The following ADAM9 variants were observed in gnomAD, a reference collection of about 807,000 sequenced individuals.
ADAM9 encodes the protein disintegrin and metalloproteinase domain-containing protein 9.
In ADAM9, 54 loss-of-function variants were observed where a neutral mutation model predicts 108.1. The ratio of observed to expected loss-of-function variants is 0.50; its 90% CI spans 0.40 to 0.63. ADAM9 has a LOEUF of 0.63. ADAM9 is among the 20% of genes least tolerant of loss of function. ADAM9 has a pLI of 0.00. For synonymous variants in ADAM9, 316 were observed against 336.0 expected, an observed-to-expected ratio of 0.94 and a Z score of 0.65; for missense variants, 830 against 997.7, an observed-to-expected ratio of 0.83 and a Z score of 2.26.
chr8:39,074,296 T>G (rs935230165), intron 15 of ADAM9, among the ~76,000 whole-genome samples: 1 of 152,180 alleles, frequency 6.6e-6, no homozygotes. Context: ...GCCAAATGTT[T>G]CCTTTCACTA....
intron 20 of ADAM9, 71 bp from the exon 21 acceptor site, chr8:39,101,792 G>T: frequency 8.3e-7 from 1 of 1,203,454 alleles, no homozygotes; most frequent in Non-Finnish European, 1.2e-6. Context: ...TAAATATGTA[G>T]ATTTCTTCTA....
chr8:39,074,020 G>A (rs1838778641), intron 15 of ADAM9, among the ~76,000 whole-genome samples: 1 of 152,054 alleles, frequency 6.6e-6, no homozygotes, highest in Admixed American at 6.5e-5. Context: ...TCCAAGTGTT[G>A]TTTTGAACTG....
chr8:38,999,703 C>A (rs1018262865), intron 1 of ADAM9, among the ~76,000 whole-genome samples: 5 of 152,068 alleles, frequency 3.3e-5, no homozygotes, highest in African/African-American at 1.2e-4. Flanking sequence ...ATGTACAAAC[C>A]TAGTTCCTGG....
At chr8:39,075,434 G>T (rs374555167) in intron 15 of ADAM9, among the ~76,000 whole-genome samples, 1 of 152,272 alleles carries the variant, frequency 6.6e-6, no homozygotes, top group African/African-American at 2.4e-5. Context: ...TCCAGTTCCT[G>T]ACCAGTGTTT....
chr8:39,080,853 C>T (rs1486360475), intron 16 of ADAM9, among the ~76,000 whole-genome samples: 1 of 151,506 alleles, frequency 6.6e-6, no homozygotes, highest in East Asian at 1.9e-4. Flanking sequence ...CAAGTTTGCT[C>T]TACTTGCTGC....
intron 9 of ADAM9, among the ~76,000 whole-genome samples, chr8:39,023,839 C>T (rs935535936): frequency 6.6e-6 from 1 of 150,720 alleles, no homozygotes; most frequent in African/African-American, 2.4e-5. Flanking sequence ...CTCTGCCTCC[C>T]AGGTCGAAGC....
chr8:39,045,374 A>ACACACC (rs1837690891), intron 12 of ADAM9, among the ~76,000 whole-genome samples: 2 of 115,320 alleles, frequency 1.7e-5, no homozygotes, highest in African/African-American at 3.2e-5. Context: ...GTGTGTGTAC[A>ACACACC]TACACCTATA....
In ADAM9 at chr8:39,037,206, C is replaced by T. The variant is rs188945191; in HGVS notation, c.1131-4740C>T. Among the ~76,000 whole-genome samples the T allele has an allele frequency of 4.0e-3, 603 of 150,154 alleles. 1 individual carries two copies. The highest frequency in any genetic ancestry group is 0.011 in the South Asian group (54 of 4,780). ...CTGAGTAGCTGGGACTACAGGCGCC[C>T]GCCACTGCGCCCGGCTAATTTTTTT... is the stretch of plus-strand genomic sequence containing the variant. On this transcript the variant is annotated intron_variant, in intron 11 of 21. Coordinates refer to ENST00000487273, the MANE Select transcript of ADAM9 (RefSeq NM_003816.3).
intron 12 of ADAM9, among the ~76,000 whole-genome samples, chr8:39,045,282 A>ATATATGTGTATACATACATATGTG (rs1837665884): frequency 8.4e-6 from 1 of 118,510 alleles, no homozygotes; most frequent in Non-Finnish European, 1.7e-5. Flanking sequence ...ATACATATGT[A>ATATATGTGTATACATACATATGTG]TATGTGTGTG....
chr8:39,053,704 G>A (rs941296464), intron 12 of ADAM9, among the ~76,000 whole-genome samples: 2 of 152,048 alleles, frequency 1.3e-5, no homozygotes, highest in African/African-American at 4.8e-5. Flanking sequence ...GAGTTTGGGG[G>A]TAAGAAGGAG....
chr8:39,032,896 T>C (rs1438275233), intron 11 of ADAM9, among the ~76,000 whole-genome samples: 2 of 152,246 alleles, frequency 1.3e-5, no homozygotes, highest in African/African-American at 4.8e-5. Context: ...TTTACTATTA[T>C]ATTGGCTATT....
chr8:39,019,611 A>G (rs956913286), intron 7 of ADAM9, among the ~76,000 whole-genome samples: 4 of 152,086 alleles, frequency 2.6e-5, no homozygotes, highest in Non-Finnish European at 5.9e-5. Context: ...CAGCTGTGTA[A>G]TTTAAAAAAG....
intron 11 of ADAM9, among the ~76,000 whole-genome samples, chr8:39,030,734 G>A (rs1020424750): frequency 6.6e-6 from 1 of 152,226 alleles, no homozygotes; most frequent in African/African-American, 2.4e-5. Flanking sequence ...GAGAATTGCT[G>A]TTGCTCTACA....
intron 12 of ADAM9, among the ~76,000 whole-genome samples, chr8:39,045,389 T>TGTGTACACACACCTATATGTGCGC (rs1837699344): frequency 7.7e-6 from 1 of 129,568 alleles, no homozygotes; most frequent in Non-Finnish European, 1.6e-5. Context: ...CCTATAGGTG[T>TGTGTACACACACCTATATGTGCGC]GTGTACACAC....
chr8:39,045,345 T>TGTGC (rs1837680763), intron 12 of ADAM9, among the ~76,000 whole-genome samples: 4 of 141,554 alleles, frequency 2.8e-5, no homozygotes, highest in South Asian at 2.2e-4. Flanking sequence ...CACCTATACA[T>TGTGC]GTGTGTACAT....
chr8:39,095,561 C>T (rs1839477519), intron 20 of ADAM9, among the ~76,000 whole-genome samples: 1 of 152,036 alleles, frequency 6.6e-6, no homozygotes, highest in African/African-American at 2.4e-5. Flanking sequence ...ATTATTTGTC[C>T]TGGAGAATGT....
chr8:39,061,572 T>C (rs1838299981), intron 14 of ADAM9, among the ~76,000 whole-genome samples: 1 of 152,222 alleles, frequency 6.6e-6, no homozygotes, highest in South Asian at 2.1e-4. Context: ...TATTTTGTGC[T>C]ATTATAACAA....
chr8:39,055,618 G>A lies in ADAM9; in HGVS notation c.1437G>A (p.Glu479=), dbSNP rs1346101078. The change falls in exon 14 of 22, where the codon GAG becomes GAA. Residue 479 remains glutamate, a synonymous_variant. Transcript: ENST00000487273. ...CTTTATGCCGAGGAAAAACCAGTGA[G>A]TGTGATGTTCCAGAGTACTGCAATG... ...GGTLCRGKTS[E]CDVPEYCNGS... 5.0e-6 allele frequency: 8 copies of A among 1,613,674 alleles called. No individual in the cohort carries two copies. In the African/African-American group the frequency reaches 8.0e-5, roughly 16 times the overall value.
chr8:39,065,638 C>CGACA (rs1015825720), intron 14 of ADAM9, among the ~76,000 whole-genome samples: 1 of 111,132 alleles, frequency 9.0e-6, no homozygotes, highest in Non-Finnish European at 1.7e-5. Context: ...CGAGTCTGGG[C>CGACA]GACAGTGCGA....
Sources: allele counts gnomAD v4.1 joint callset (sites outside exome capture counted in the v4.1 genomes callset), GRCh38; gene constraint gnomAD v4.1.1; transcripts MANE v1.5; gene names NCBI Gene and HGNC (gene_info 2026-07-23, HGNC 2026-07-21).